Variants in FREM1 observed in about 807,000 individuals in gnomAD.
FREM1 encodes the protein FRAS1-related extracellular matrix protein 1.
In FREM1, 220 loss-of-function variants were observed where a neutral mutation model predicts 210.1. That is an observed-to-expected ratio of 1.05 (90% CI 0.94 to 1.17). FREM1 has a LOEUF of 1.17. Among genes scored for constraint, FREM1 ranks in the 50% most tolerant of loss-of-function variants. FREM1 has a pLI of 0.00. For missense variants in FREM1, 3,454 were observed against 2,675.5 expected (o/e 1.29, Z -6.42); for synonymous variants, 1,189 against 980.2 (o/e 1.21, Z -3.98).
intron 27 of FREM1, among the ~76,000 whole-genome samples, chr9:14,763,248 C>T (rs973138916): frequency 9.9e-5 from 15 of 152,198 alleles, no homozygotes; most frequent in African/African-American, 3.6e-4. Context: ...TTTAGCAGCA[C>T]CTCTGTCCTC....
chr9:14,797,291 A>G (rs1328475881), intron 21 of FREM1, among the ~76,000 whole-genome samples: 2 of 152,244 alleles, frequency 1.3e-5, no homozygotes, highest in African/African-American at 4.8e-5. Flanking sequence ...AAGAAAATCA[A>G]GTAATTAAAC....
intron 10 of FREM1, among the ~76,000 whole-genome samples, chr9:14,829,259 TA>T (rs1823083723): frequency 1.3e-5 from 2 of 152,208 alleles, no homozygotes; most frequent in South Asian, 4.1e-4. Flanking sequence ...GCTTTTATTA[TA>T]ACATTTCTTT....
intron 1 of FREM1, among the ~76,000 whole-genome samples, chr9:14,908,212 G>A (rs1369334585): frequency 2.0e-5 from 3 of 152,132 alleles, no homozygotes; most frequent in South Asian, 2.1e-4. Context: ...TAACACCATG[G>A]AAGAATCATT....
chr9:14,749,647 A>G (rs1247183167), intron 30 of FREM1, among the ~76,000 whole-genome samples: 1 of 152,228 alleles, frequency 6.6e-6, no homozygotes, highest in Non-Finnish European at 1.5e-5. Flanking sequence ...AAAGTCATTC[A>G]TTAATATTCT....
chr9:14,892,619 G>A (rs939381913), intron 1 of FREM1, among the ~76,000 whole-genome samples: 1 of 152,042 alleles, frequency 6.6e-6, no homozygotes, highest in Non-Finnish European at 1.5e-5. Context: ...TTTGCTGATG[G>A]CTGTGGGTGA....
chr9:14,781,067 T>C (rs778748716), intron 24 of FREM1, among the ~76,000 whole-genome samples: 5 of 152,122 alleles, frequency 3.3e-5, no homozygotes, highest in Non-Finnish European at 7.3e-5. Context: ...TACAACGAGG[T>C]ATAATGGAAA....
At chr9:14,778,710 G>GAAGGGAAGGC (rs1400284815) in intron 24 of FREM1, among the ~76,000 whole-genome samples, 1 of 77,458 alleles carries the variant, frequency 1.3e-5, no homozygotes, top group African/African-American at 4.2e-5. Flanking sequence ...GAAGGGAAGG[G>GAAGGGAAGGC]AAGGGAAGGG....
intron 21 of FREM1, among the ~76,000 whole-genome samples, chr9:14,795,529 G>T (rs1044468733): frequency 6.6e-6 from 1 of 152,194 alleles, no homozygotes; most frequent in Admixed American, 6.5e-5. Flanking sequence ...AAGAGAAAGA[G>T]AGTGTTATTA....
At chr9:14,872,405 T>A (rs7039558) in intron 1 of FREM1, among the ~76,000 whole-genome samples, 1,706 of 152,316 alleles carry the variant, frequency 0.011, 29 homozygotes, top group African/African-American at 0.038. Context: ...GTTGGATGCC[T>A]AGGCATTTTA....
chr9:14,859,157 C>A, intron 4 of FREM1, 26 bp downstream of exon 4: 1 of 1,517,480 alleles, frequency 6.6e-7, no homozygotes, highest in Non-Finnish European at 8.8e-7. Flanking sequence ...TGGTAATACC[C>A]AGAAAGGCAT....
intron 16 of FREM1, among the ~76,000 whole-genome samples, 170 bp downstream of exon 16, chr9:14,812,642 A>G (rs932527053): frequency 3.3e-5 from 5 of 152,104 alleles, no homozygotes; most frequent in Non-Finnish European, 5.9e-5. Context: ...ACAATCAGAA[A>G]TACTTCCATA....
chr9:14,857,277 G>A (rs1422987147), intron 5 of FREM1, among the ~76,000 whole-genome samples: 2 of 152,186 alleles, frequency 1.3e-5, no homozygotes, highest in Non-Finnish European at 2.9e-5. Context: ...AAAGGAGGAA[G>A]AAGGTTAGCA....
intron 7 of FREM1, among the ~76,000 whole-genome samples, chr9:14,846,353 C>A (rs1826613303): frequency 6.6e-6 from 1 of 152,076 alleles, no homozygotes; most frequent in Admixed American, 6.6e-5. Flanking sequence ...ACACCAGAGC[C>A]TGTTCGGGGG....
At chr9:14,867,673 A>T (rs914213892) in intron 2 of FREM1, among the ~76,000 whole-genome samples, 3 of 152,182 alleles carry the variant, frequency 2.0e-5, no homozygotes, top group Non-Finnish European at 4.4e-5. Context: ...CCACTTTTCA[A>T]TAACCTCGTG....
chr9:14,743,453 C>T (rs893993985), intron 35 of FREM1, among the ~76,000 whole-genome samples: 1 of 151,964 alleles, frequency 6.6e-6, no homozygotes, highest in Non-Finnish European at 1.5e-5. Flanking sequence ...CAATAAAAAG[C>T]TAGACTATTA....
chr9:14,902,446 T>A (rs979038121), intron 1 of FREM1, among the ~76,000 whole-genome samples: 3 of 152,198 alleles, frequency 2.0e-5, no homozygotes, highest in African/African-American at 7.2e-5. Context: ...GTGATTTCCA[T>A]GCGCTATCAA....
chr9:14,891,542 C>G (rs1231437308), intron 1 of FREM1, among the ~76,000 whole-genome samples: 3 of 152,124 alleles, frequency 2.0e-5, no homozygotes. Flanking sequence ...GTCTGGGCAA[C>G]ACAGCAAGAC....
chr9:14,902,012 G>GTT (rs1229303779), intron 1 of FREM1, among the ~76,000 whole-genome samples: 9 of 141,210 alleles, frequency 6.4e-5, no homozygotes, highest in South Asian at 2.3e-4. Context: ...GCCATGCCTG[G>GTT]TTTTTTTTTT....
At chr9:14,889,486 G>A (rs576857485) in intron 1 of FREM1, among the ~76,000 whole-genome samples, 33 of 152,124 alleles carry the variant, frequency 2.2e-4, no homozygotes, top group African/African-American at 7.0e-4. Context: ...ACCCATGGTC[G>A]TTAAATGCCT....
Sources: allele counts gnomAD v4.1 joint callset (sites outside exome capture counted in the v4.1 genomes callset), GRCh38; gene constraint gnomAD v4.1.1; transcripts MANE v1.5; gene names NCBI Gene and HGNC (gene_info 2026-07-23, HGNC 2026-07-21).